The following NAV3 variants were observed in gnomAD, a reference collection of about 807,000 sequenced individuals.
NAV3 encodes the protein pore membrane and/or filament interacting like protein 1.
NAV3 carries 87 observed loss-of-function variants against 244.7 expected under a neutral mutation model. The ratio of observed to expected loss-of-function variants is 0.36; its 90% CI spans 0.30 to 0.42. The LOEUF (loss-of-function observed/expected upper bound fraction) is 0.42. Among genes scored for constraint, NAV3 ranks in the 20% least tolerant of loss-of-function variants. The probability of loss-of-function intolerance (pLI) is 1.00; values close to 1 mark genes in which losing one functional copy is unlikely to be tolerated. For synonymous variants in NAV3, 1,126 were observed against 1,042.2 expected (o/e 1.08, Z -1.55); for missense variants, 2,663 against 2,893.3 (o/e 0.92, Z 1.83).
intron 12 of NAV3, among the ~76,000 whole-genome samples, chr12:78,068,607 T>C (rs1444912689): frequency 1.4e-5 from 2 of 147,304 alleles, no homozygotes; most frequent in African/African-American, 4.9e-5. Flanking sequence ...TTATATATAT[T>C]ATATATAATA....
intron 2 of NAV3, among the ~76,000 whole-genome samples, chr12:77,785,130 T>C (rs1870845462): frequency 6.6e-6 from 1 of 152,000 alleles, no homozygotes; most frequent in African/African-American, 2.4e-5. Flanking sequence ...ACTTGGAAAA[T>C]AGACAGGAAC....
At chr12:77,769,518 A>G (rs951312565) in intron 2 of NAV3, among the ~76,000 whole-genome samples, 3 of 152,202 alleles carry the variant, frequency 2.0e-5, no homozygotes, top group East Asian at 1.9e-4. Context: ...AGCTTTCTCT[A>G]TACATTTTTT....
At chr12:77,775,285 G>A (rs565779851) in intron 2 of NAV3, among the ~76,000 whole-genome samples, 8 of 151,724 alleles carry the variant, frequency 5.3e-5, no homozygotes, top group East Asian at 3.9e-4. Context: ...CCAGCTACTC[G>A]GGAGGCTGAG....
intron 5 of NAV3, among the ~76,000 whole-genome samples, chr12:77,972,559 A>C (rs1205515056): frequency 1.3e-5 from 2 of 152,070 alleles, no homozygotes; most frequent in African/African-American, 4.8e-5. Flanking sequence ...AAACTAGTTC[A>C]TTCAGTATTT....
At chr12:77,662,227 G>GTCTATCTGTCTATCTATCTA (rs1873488034) in intron 2 of NAV3, among the ~76,000 whole-genome samples, 1 of 145,942 alleles carries the variant, frequency 6.9e-6, no homozygotes. Flanking sequence ...ATATCTATCT[G>GTCTATCTGTCTATCTATCTA]TCTATCTATC....
intron 18 of NAV3, chr12:78,130,451 G>A: frequency 4.6e-6 from 1 of 217,434 alleles, no homozygotes; most frequent in Non-Finnish European, 1.0e-5. Context: ...CTGCTTTCCT[G>A]ATCCCACCAC....
chr12:77,781,809 C>A (rs1267894740), intron 2 of NAV3, among the ~76,000 whole-genome samples: 1 of 152,148 alleles, frequency 6.6e-6, no homozygotes, highest in Non-Finnish European at 1.5e-5. Context: ...TTAGTGAATT[C>A]ATGGCATCTG....
At chr12:77,859,496 A>G (rs1011925433) in intron 1 of NAV3, among the ~76,000 whole-genome samples, 1 of 152,010 alleles carries the variant, frequency 6.6e-6, no homozygotes, top group Non-Finnish European at 1.5e-5. Flanking sequence ...GCTTTCTTAG[A>G]ACAACAGTGT....
rs530929842 is a variant in NAV3, at chr12:78,128,944, A to C, written c.4441+78A>C. On this transcript the variant is annotated intron_variant, in intron 18 of 39. Coordinates refer to ENST00000397909, the MANE Select transcript of NAV3 (RefSeq NM_001024383.2). The stretch of plus-strand genomic sequence containing the variant: ...CACAGAAACCCTGGAATCTCTCCAT[A>C]ACACAACACGTTTTCATTTAAAGGG... 4.4e-6 allele frequency: 6 copies of C among 1,350,402 alleles called. No homozygotes were observed. The African/African-American group carries it at 8.7e-5, about 20-fold the overall frequency. The allele number at this position is 1,350,402 out of a possible 1,614,324, so 83.7% of individuals were successfully genotyped here.
In NAV3 at chr12:78,007,370, A is replaced by C. The variant is rs1292324863; in HGVS notation, c.1832A>C (p.Asn611Thr). The C allele has an allele frequency of 6.2e-7, 1 of 1,614,182 alleles. No individual in the cohort carries two copies. Among genetic ancestry groups the C allele is most frequent in the South Asian group, 1.1e-5 (1 of 91,090 alleles). ...VAQSSGQSTG[N>T]GAVQLPQQQQ... ...CAAAGCAGTGGGCAGAGCACAGGAA[A>C]TGGTGCTGTCCAACTCCCTCAACAG... The change falls in exon 8 of 40, where the codon AAT (asparagine) becomes ACT (threonine). Residue 611 changes from asparagine (N) to threonine (T), a missense_variant. By Grantham distance (65) the Asn-to-Thr change is moderately conservative (BLOSUM62 0). Transcript: ENST00000397909.
intron 7 of NAV3, among the ~76,000 whole-genome samples, chr12:78,002,762 A>G (rs1052488958): frequency 1.3e-5 from 2 of 152,100 alleles, no homozygotes; most frequent in South Asian, 4.1e-4. Context: ...TGTTAATGTC[A>G]TAATTTCAGG....
In NAV3 at chr12:77,620,250, T is replaced by A. The variant is rs568468473; in HGVS notation, c.72+47984T>A. 7.9e-5 allele frequency among the ~76,000 whole-genome samples: 12 copies of A among 152,302 alleles called. No homozygotes were observed. The East Asian group carries it at 2.1e-3, about 27-fold the overall frequency. On this transcript the variant is annotated intron_variant, in intron 2 of 8. Transcript: ENST00000550042. The stretch of plus-strand genomic sequence containing the variant: ...TTTCCTGATCTTTATAATAGGGTTT[T>A]ATGAACATTATAAAATGATGAAAAC...
rs535893184 is a variant in NAV3, at chr12:77,630,668, T to C, written c.72+58402T>C. On this transcript the variant is annotated intron_variant, in intron 2 of 8. Transcript: ENST00000550042. ...AGTTTTCTTTTTTTCTTGGCGGTAT[T>C]TTCCTATTACCTTGATGGCTTATAT... Among the ~76,000 whole-genome samples, 5 of 152,284 alleles carry C rather than the reference T, an allele frequency of 3.3e-5. No homozygotes were observed. The South Asian group carries it at 1.0e-3, about 32-fold the overall frequency.
At chr12:77,937,724 T>A (rs1194155306) in intron 1 of NAV3, among the ~76,000 whole-genome samples, 1 of 152,178 alleles carries the variant, frequency 6.6e-6, no homozygotes, top group Non-Finnish European at 1.5e-5. Context: ...AAGCAATTAC[T>A]ACAATTTCTT....
intron 2 of NAV3, among the ~76,000 whole-genome samples, chr12:77,627,987 T>A (rs1235788119): frequency 6.6e-6 from 1 of 152,074 alleles, no homozygotes; most frequent in Non-Finnish European, 1.5e-5. Flanking sequence ...AGGTAGAAAG[T>A]GGAATAATGG....
chr12:77,760,856 T>C (rs1869426181), intron 2 of NAV3, among the ~76,000 whole-genome samples: 1 of 152,126 alleles, frequency 6.6e-6, no homozygotes, highest in Admixed American at 6.5e-5. Context: ...CATCATGAGT[T>C]TTGAGTGATA....
chr12:77,709,058 C>T (rs917717277), intron 2 of NAV3, among the ~76,000 whole-genome samples: 4 of 152,180 alleles, frequency 2.6e-5, no homozygotes, highest in Non-Finnish European at 4.4e-5. Flanking sequence ...TTGTTTCTTT[C>T]TCCTGCCTGA....
At chr12:77,606,739 TAG>T (rs576785191) in intron 2 of NAV3, among the ~76,000 whole-genome samples, 4 of 152,278 alleles carry the variant, frequency 2.6e-5, no homozygotes, top group Admixed American at 2.6e-4. Context: ...ACAGTGCATT[TAG>T]TTCTTTACAT....
rs562853817 is a variant in NAV3 at position 77,846,942 on chromosome 12, A to G, written c.243+15238A>G. ...AAAGCTTTGATTTGTCAATAAAACA[A>G]ACATGTCTTAGTTCCATGAGTTCAT... On this transcript the variant is annotated intron_variant, in intron 1 of 39. Coordinates refer to ENST00000397909, the MANE Select transcript of NAV3 (RefSeq NM_001024383.2). 7.9e-5 allele frequency among the ~76,000 whole-genome samples: 12 copies of G among 152,348 alleles called. No individual in the cohort carries two copies. The East Asian group carries it at 1.5e-3, about 20-fold the overall frequency.
Sources: allele counts gnomAD v4.1 joint callset (sites outside exome capture counted in the v4.1 genomes callset), GRCh38; gene constraint gnomAD v4.1.1; transcripts MANE v1.5; gene names NCBI Gene and HGNC (gene_info 2026-07-23, HGNC 2026-07-21).